The following DBR1 variants were observed in gnomAD, a reference collection of about 807,000 sequenced individuals.
DBR1 encodes the protein debranching RNA lariats 1, also known as lariat debranching enzyme.
In DBR1, 33 loss-of-function variants were observed where a neutral mutation model predicts 45.9. The ratio of observed to expected loss-of-function variants is 0.72; its 90% CI spans 0.55 to 0.96. The LOEUF is 0.96. DBR1 is among the 40% of genes least tolerant of loss of function. The pLI is 0.00. For missense variants in DBR1, 619 were observed against 667.4 expected, an observed-to-expected ratio of 0.93 and a Z score of 0.80; for synonymous variants, 235 against 235.9, an observed-to-expected ratio of 1.00 and a Z score of 0.04.
intron 5 of DBR1, among the ~76,000 whole-genome samples, chr3:138,165,545 C>T (rs7613041): frequency 0.64 from 96,950 of 151,678 alleles, 31,316 homozygotes; most frequent in Admixed American, 0.69. Context: ...CTGGCTAACA[C>T]AGTGAAACGC....
intron 2 of DBR1, among the ~76,000 whole-genome samples, chr3:138,173,271 G>A (rs1222033243): frequency 2.0e-5 from 3 of 152,122 alleles, no homozygotes; most frequent in African/African-American, 7.2e-5. Context: ...CAAATAGTGT[G>A]TGAGGTCTTT....
In DBR1 at chr3:138,168,235, C is replaced by T. The variant is rs113878604; in HGVS notation, c.490-930G>A. Among the ~76,000 whole-genome samples, 1,136 of 152,000 alleles carry T rather than the reference C, an allele frequency of 7.5e-3. 7 individuals carry two copies. The highest frequency in any genetic ancestry group is 0.011 in the Admixed American group (169 of 15,262). On this transcript the variant is annotated intron_variant, in intron 4 of 7. Transcript: ENST00000260803. ...AATGAAATTAAAACAACTTAAATAC[C>T]GGCTGGGCACAGTGGCTCACGCCTG... is the stretch of plus-strand genomic sequence containing the variant.
At chr3:138,169,071 G>A (rs954026944) in intron 4 of DBR1, among the ~76,000 whole-genome samples, 7 of 152,198 alleles carry the variant, frequency 4.6e-5, no homozygotes, top group African/African-American at 1.7e-4. Flanking sequence ...TAAGGGAACT[G>A]TATGCACAGG....
intron 4 of DBR1, among the ~76,000 whole-genome samples, chr3:138,167,912 A>C (rs2107904157): frequency 6.6e-6 from 1 of 152,148 alleles, no homozygotes; most frequent in Admixed American, 6.5e-5. Context: ...ATGCAATTGC[A>C]CTCCAGCCTG....
At position 138,161,457 on chromosome 3, in the gene DBR1, G is replaced by A. The variant is rs1040720806; in HGVS notation, c.*432C>T. 1.3e-5 allele frequency: 2 copies of A among 156,354 alleles called. No homozygotes were observed. Among genetic ancestry groups the A allele is most frequent in the African/African-American group, 2.4e-5 (1 of 41,460 alleles). The allele number at this position is 156,354 out of a possible 1,614,324, so 9.7% of individuals were successfully genotyped here. On this transcript the variant is annotated 3_prime_UTR_variant, in exon 8 of 8. Transcript: ENST00000260803. ...CAATATCTAACTAAAATTCTCTAAT[G>A]TATCTTCATTATTATAAAGTTAAGT...
chr3:138,165,802 A>G (rs2042927875), intron 5 of DBR1, among the ~76,000 whole-genome samples: 1 of 152,196 alleles, frequency 6.6e-6, no homozygotes, highest in African/African-American at 2.4e-5. Flanking sequence ...AGGAAAAGTG[A>G]TCTCTGGTGT....
intron 2 of DBR1, among the ~76,000 whole-genome samples, chr3:138,172,333 C>T (rs2042958913): frequency 1.3e-5 from 2 of 152,182 alleles, no homozygotes; most frequent in African/African-American, 2.4e-5. Flanking sequence ...CCTGTAATCC[C>T]ACCACTTTGG....
chr3:138,161,897 C>T lies in DBR1; in HGVS notation c.1627G>A (p.Ala543Thr). Reference protein sequence around the residue: ...YAAVDDDDDDAA With the variant: ...YAAVDDDDDDTA ...AAAACAAGTAAATCATCTTAAGCTG[C>T]ATCGTCATCATCATCATCCACTGCA... Residue 543 changes from alanine (A) to threonine (T), a missense_variant, in exon 8 of 8, where the codon GCA (alanine) becomes ACA (threonine). Ala to Thr is a moderately conservative substitution (Grantham distance 58, BLOSUM62 0). Transcript: ENST00000260803. The T allele has an allele frequency of 6.3e-7, 1 of 1,592,784 alleles. No individual in the cohort carries two copies. Among genetic ancestry groups the T allele is most frequent in the Non-Finnish European group, 8.6e-7 (1 of 1,160,952 alleles).
chr3:138,171,877 A>G (rs928947753), intron 2 of DBR1, among the ~76,000 whole-genome samples, 164 bp from the exon 3 acceptor site: 2 of 152,188 alleles, frequency 1.3e-5, no homozygotes, highest in Non-Finnish European at 2.9e-5. Flanking sequence ...CCAACAGTGT[A>G]TTAGGGATAT....
At chr3:138,174,559 A>AC (rs529636945) in intron 1 of DBR1, 40 bp downstream of exon 1, 16,105 of 836,478 alleles carry the variant, frequency 0.019, 157 homozygotes, top group Non-Finnish European at 0.025. Context: ...ACCCAGTCCC[A>AC]CCCCCCCACC....
intron 5 of DBR1, among the ~76,000 whole-genome samples, chr3:138,164,988 T>G (rs1006464178): frequency 1.3e-5 from 2 of 151,668 alleles, no homozygotes; most frequent in African/African-American, 2.4e-5. Flanking sequence ...CAATAAAGGT[T>G]TTTTTTTTTC....
At chr3:138,167,630 T>A (rs921363071) in intron 4 of DBR1, among the ~76,000 whole-genome samples, 1 of 152,202 alleles carries the variant, frequency 6.6e-6, no homozygotes, top group Non-Finnish European at 1.5e-5. Flanking sequence ...TAACCATAGT[T>A]CTTTTCCTCT....
intron 5 of DBR1, among the ~76,000 whole-genome samples, chr3:138,165,012 CAGAA>C (rs1167694787): frequency 4.0e-5 from 6 of 151,376 alleles, no homozygotes; most frequent in Non-Finnish European, 8.8e-5. Context: ...AGTGAATTGA[CAGAA>C]AGAAACGTGG....
chr3:138,169,042 G>A (rs2042943135), intron 4 of DBR1, among the ~76,000 whole-genome samples: 1 of 152,138 alleles, frequency 6.6e-6, no homozygotes, highest in Non-Finnish European at 1.5e-5. Context: ...ATTTAGATAG[G>A]TGAAAGAGAA....
At chr3:138,163,754 A>AT (rs1226674338) in intron 6 of DBR1, 24 bp downstream of exon 6, 12 of 1,563,568 alleles carry the variant, frequency 7.7e-6, no homozygotes, top group Admixed American at 6.8e-5. Context: ...CAACTATATT[A>AT]TAAAGCCACT....
In DBR1 at chr3:138,165,359, T is replaced by C. The variant is rs1044634420; in HGVS notation, c.715-1501A>G. Among the ~76,000 whole-genome samples, 4 of 152,280 alleles carry C rather than the reference T, an allele frequency of 2.6e-5. No individual in the cohort carries two copies. In the East Asian group the frequency reaches 5.8e-4, roughly 22 times the overall value. On this transcript the variant is annotated intron_variant, in intron 5 of 7. Transcript: ENST00000260803. The stretch of plus-strand genomic sequence containing the variant: ...ATCCTTAATCCAAAAATCTGAAAAT[T>C]GTGTGTCATGTCAAAAATTTCAGAT...
chr3:138,161,561 G>T lies in DBR1; in HGVS notation c.*328C>A. ...CATATAATACTAAGACAAGTAAATTGTCGGCCAGGCACAGTGGCTCACGCC... is the reference window on the plus strand; with the variant it reads ...CATATAATACTAAGACAAGTAAATTTTCGGCCAGGCACAGTGGCTCACGCC... On this transcript the variant is annotated 3_prime_UTR_variant, in exon 8 of 8. Transcript: ENST00000260803. The T allele has an allele frequency of 4.5e-6, 1 of 222,700 alleles. No individual in the cohort carries two copies. The highest frequency in any genetic ancestry group is 9.1e-6 in the Non-Finnish European group (1 of 110,496). 13.8% of individuals were successfully genotyped at this position (222,700 alleles called of 1,614,324 possible). A position where few individuals can be genotyped will look rare whatever the true frequency, so the allele number is the denominator to read the frequency against.
At position 138,162,269 on chromosome 3, in the gene DBR1, A is replaced by G; in HGVS notation, c.1255T>C (p.Ser419Pro). Reference sequence around the variant, plus strand: ...TCTGGATTAATAGAAGACAGAGCAGATGTGTCTGTATTATATTCACTCTGG... The same window carrying G: ...TCTGGATTAATAGAAGACAGAGCAGGTGTGTCTGTATTATATTCACTCTGG... ...EDQSEYNTDT[S>P]ALSSINPDEI... Residue 419 changes from serine (S) to proline (P), a missense_variant, in exon 8 of 8, where the codon TCT becomes CCT. This residue lies in a region of DBR1 where 182 missense variants were observed against 196.1 expected (regional missense o/e 0.93). Transcript: ENST00000260803. The G allele has an allele frequency of 6.2e-7, 1 of 1,613,984 alleles. No homozygotes were observed. The highest frequency in any genetic ancestry group is 8.5e-7 in the Non-Finnish European group (1 of 1,179,836).
chr3:138,174,384 G>A (rs892141848), intron 1 of DBR1, among the ~76,000 whole-genome samples: 3 of 152,192 alleles, frequency 2.0e-5, no homozygotes, highest in Non-Finnish European at 4.4e-5. Context: ...GAGATAGGGT[G>A]CTAGTGAAAC....
Sources: gnomAD v4.1 joint callset for allele counts (sites outside exome capture counted in the v4.1 genomes callset) on GRCh38, gnomAD v4.1.1 for gene constraint, gnomAD v4.1.1 regional missense constraint, MANE v1.5 for transcripts, NCBI Gene and HGNC (gene_info 2026-07-23, HGNC 2026-07-21) for gene names.